The following TSPAN5 variants were observed in gnomAD, a reference collection of about 807,000 sequenced individuals.
TSPAN5 encodes the protein tetraspanin 5.
TSPAN5 carries 10 observed loss-of-function variants against 37.1 expected under a neutral mutation model. The ratio of observed to expected loss-of-function variants is 0.27; its 90% confidence interval spans 0.17 to 0.46. TSPAN5 has a LOEUF of 0.46. TSPAN5 is among the 20% of genes least tolerant of loss of function. The probability of loss-of-function intolerance (pLI) is 1.00; values close to 1 mark genes in which losing one functional copy is unlikely to be tolerated. For synonymous variants in TSPAN5, 110 were observed against 118.9 expected, an observed-to-expected ratio of 0.93 and a Z score of 0.48; for missense variants, 195 against 326.6, an observed-to-expected ratio of 0.60 and a Z score of 3.11.
chr4:98,572,181 G>C (rs904168664), intron 1 of TSPAN5, among the ~76,000 whole-genome samples: 64 of 152,054 alleles, frequency 4.2e-4, no homozygotes, highest in African/African-American at 1.5e-3. Flanking sequence ...ATTTTTTCCA[G>C]GCTAGTCTCG....
chr4:98,601,266 C>A (rs1180945685), intron 1 of TSPAN5, among the ~76,000 whole-genome samples: 1 of 152,172 alleles, frequency 6.6e-6, no homozygotes, highest in African/African-American at 2.4e-5. Context: ...AGGGAGTCAG[C>A]CTGTCATTTG....
At chr4:98,630,259 G>A (rs1756710239) in intron 1 of TSPAN5, among the ~76,000 whole-genome samples, 1 of 152,156 alleles carries the variant, frequency 6.6e-6, no homozygotes, top group African/African-American at 2.4e-5. Flanking sequence ...CAAACGAAAA[G>A]CACTGCAGCT....
intron 2 of TSPAN5, among the ~76,000 whole-genome samples, chr4:98,493,222 T>C (rs1268505267): frequency 6.6e-6 from 1 of 152,186 alleles, no homozygotes; most frequent in Non-Finnish European, 1.5e-5. Flanking sequence ...AAAATGTTAT[T>C]TGACTACTCT....
chr4:98,646,092 G>A (rs1248813600), intron 1 of TSPAN5, among the ~76,000 whole-genome samples: 1 of 151,450 alleles, frequency 6.6e-6, no homozygotes, highest in Non-Finnish European at 1.5e-5. Flanking sequence ...TGTGTCAGGG[G>A]ACAGTACAGG....
chr4:98,626,927 A>G (rs2110257178), intron 1 of TSPAN5, among the ~76,000 whole-genome samples: 1 of 138,164 alleles, frequency 7.2e-6, no homozygotes, highest in Middle Eastern at 3.9e-3. Context: ...TTGTTCTTAA[A>G]TGTATCCCAT....
intron 1 of TSPAN5, chr4:98,510,042 GCCT>G (rs1753571386): frequency 6.6e-6 from 1 of 152,132 alleles, no homozygotes; most frequent in African/African-American, 2.4e-5. Context: ...CCTGCCGAAG[GCCT>G]CTGCTTGATC....
intron 1 of TSPAN5, among the ~76,000 whole-genome samples, chr4:98,630,873 C>T (rs540848293): frequency 6.6e-5 from 10 of 152,256 alleles, no homozygotes; most frequent in South Asian, 2.1e-4. Context: ...GCACAAATAG[C>T]GAATGAGAGT....
intron 1 of TSPAN5, among the ~76,000 whole-genome samples, chr4:98,554,831 A>G (rs1461027209): frequency 6.6e-6 from 1 of 152,242 alleles, no homozygotes; most frequent in Non-Finnish European, 1.5e-5. Flanking sequence ...TGCTTTCTAA[A>G]GGAGAGAGTA....
intron 1 of TSPAN5, among the ~76,000 whole-genome samples, chr4:98,613,477 G>A (rs780615479): frequency 4.6e-5 from 7 of 152,134 alleles, no homozygotes; most frequent in African/African-American, 1.7e-4. Context: ...ATATAAACTA[G>A]GCTAGTTTAG....
chr4:98,617,997 C>T lies in TSPAN5; in HGVS notation c.81+40149G>A, dbSNP rs114407079. On this transcript the variant is annotated intron_variant, in intron 1 of 7. Transcript: ENST00000305798. ...AACAGGCCATGGCATCTGCCACTGT[C>T]CTTGGTCTTCTGAACAGAAGGTGTG... 4.4e-3 allele frequency among the ~76,000 whole-genome samples: 677 copies of T among 152,360 alleles called. 4 individuals are homozygous for T. The highest frequency in any genetic ancestry group is 8.1e-3 in the Non-Finnish European group (552 of 68,036).
chr4:98,580,506 G>A lies in TSPAN5; in HGVS notation c.82-72778C>T, dbSNP rs72904104. ...CTTCAATCTTCCTTCACAGGGAGGT[G>A]GGTGATAGTGGAACAAGCCGACCTG... On this transcript the variant is annotated intron_variant, in intron 1 of 7. Coordinates refer to ENST00000305798, the MANE Select transcript of TSPAN5 (RefSeq NM_005723.4). Among the ~76,000 whole-genome samples the A allele has an allele frequency of 6.7e-3, 1,024 of 152,290 alleles. 11 individuals are homozygous for A. The highest frequency in any genetic ancestry group is 0.023 in the African/African-American group (949 of 41,554).
At chr4:98,488,387 C>T (rs944659242) in intron 2 of TSPAN5, among the ~76,000 whole-genome samples, 10 of 151,910 alleles carry the variant, frequency 6.6e-5, no homozygotes, top group Non-Finnish European at 2.9e-5. Context: ...TGTCAACTTA[C>T]GAACAATAAT....
chr4:98,653,088 G>A (rs1024841773), intron 1 of TSPAN5, among the ~76,000 whole-genome samples: 1 of 152,128 alleles, frequency 6.6e-6, no homozygotes, highest in African/African-American at 2.4e-5. Flanking sequence ...CCATCTCCCT[G>A]TAATTCAAAA....
intron 1 of TSPAN5, among the ~76,000 whole-genome samples, chr4:98,522,505 T>C (rs1753876813): frequency 6.6e-6 from 1 of 152,224 alleles, no homozygotes; most frequent in South Asian, 2.1e-4. Context: ...CATATTTCCA[T>C]ACCCATGTTT....
intron 1 of TSPAN5, among the ~76,000 whole-genome samples, chr4:98,607,417 C>T (rs1756063149): frequency 6.6e-6 from 1 of 152,150 alleles, no homozygotes; most frequent in Admixed American, 6.5e-5. Flanking sequence ...GACTGTCTTA[C>T]CTAACGAAAG....
intron 1 of TSPAN5, among the ~76,000 whole-genome samples, chr4:98,591,298 G>A (rs1187670102): frequency 2.1e-5 from 3 of 141,328 alleles, no homozygotes; most frequent in African/African-American, 5.5e-5. Context: ...ATAACAGCAC[G>A]CAAAAACCTG....
chr4:98,589,523 T>C (rs1346539454), intron 1 of TSPAN5, among the ~76,000 whole-genome samples: 1 of 151,838 alleles, frequency 6.6e-6, no homozygotes, highest in African/African-American at 2.4e-5. Flanking sequence ...CCAATTGGAG[T>C]GACTGATGAG....
chr4:98,643,382 A>ATAC (rs1756998463), intron 1 of TSPAN5, among the ~76,000 whole-genome samples: 1 of 152,186 alleles, frequency 6.6e-6, no homozygotes, highest in African/African-American at 2.4e-5. Context: ...TTCTCAGAAC[A>ATAC]TACCCCTGTT....
intron 1 of TSPAN5, among the ~76,000 whole-genome samples, chr4:98,568,641 CA>C (rs1360797598): frequency 6.6e-6 from 1 of 152,078 alleles, no homozygotes; most frequent in Non-Finnish European, 1.5e-5. Context: ...AGACTCCCAC[CA>C]ATAACAGTTA....
Sources: gnomAD v4.1 joint callset for allele counts (sites outside exome capture counted in the v4.1 genomes callset) on GRCh38, gnomAD v4.1.1 for gene constraint, MANE v1.5 for transcripts, NCBI Gene and HGNC (gene_info 2026-07-23, HGNC 2026-07-21) for gene names.